MYO10: variants seen among roughly 807,000 people sequenced by gnomAD.
The protein encoded by MYO10 is myosin X.
In MYO10, 133 loss-of-function variants were observed where a neutral mutation model predicts 257.3. That is an observed-to-expected ratio of 0.52 (90% CI 0.45 to 0.60). The LOEUF (loss-of-function observed/expected upper bound fraction) is 0.60, where lower values mean the gene tolerates loss of function less well. Among genes scored for constraint, MYO10 ranks in the 20% least tolerant of loss-of-function variants. MYO10 has a pLI of 0.00. For synonymous variants in MYO10, 1,104 were observed against 1,028.6 expected (o/e 1.07, Z -1.40); for missense variants, 2,399 against 2,635.7 (o/e 0.91, Z 1.97).
chr5:16,907,468 G>A (rs1431515130), intron 1 of MYO10, among the ~76,000 whole-genome samples: 1 of 151,944 alleles, frequency 6.6e-6, no homozygotes, highest in Non-Finnish European at 1.5e-5. Context: ...CTGATCAACA[G>A]GTCACGGGAG....
chr5:16,931,267 A>G (rs984326255), intron 1 of MYO10, among the ~76,000 whole-genome samples: 1 of 152,012 alleles, frequency 6.6e-6, no homozygotes, highest in Non-Finnish European at 1.5e-5. Context: ...GCAAAATTCC[A>G]TCTCAAAACA....
chr5:16,775,993 T>C lies in MYO10; in HGVS notation c.930+3552A>G, dbSNP rs577446538. On this transcript the variant is annotated intron_variant, in intron 9 of 40. Transcript: ENST00000513610. ...TCACTGTAACCTCCATCTCCCAGAC[T>C]CAAGCCATCCTCCCACCTCAGCCTC... 9.9e-5 allele frequency among the ~76,000 whole-genome samples: 15 copies of C among 152,210 alleles called. No individual in the cohort carries two copies. The South Asian group carries it at 2.9e-3, about 30-fold the overall frequency.
At chr5:16,764,104 G>T in intron 12 of MYO10, 146 bp downstream of exon 12, 1 of 890,398 alleles carries the variant, frequency 1.1e-6, no homozygotes, top group Non-Finnish European at 1.7e-6. Flanking sequence ...CTGTGATCAC[G>T]CCACTGCACT....
chr5:16,674,402 G>A (rs1386535803), intron 35 of MYO10, among the ~76,000 whole-genome samples: 1 of 152,106 alleles, frequency 6.6e-6, no homozygotes, highest in Non-Finnish European at 1.5e-5. Context: ...CCAGGAGGCA[G>A]ATGTTGCAAT....
intron 1 of MYO10, among the ~76,000 whole-genome samples, chr5:16,933,328 A>G (rs548197071): frequency 2.0e-5 from 3 of 152,324 alleles, no homozygotes; most frequent in South Asian, 2.1e-4. Context: ...TTACTCAGCA[A>G]TGGTACCAGG....
At chr5:16,903,220 C>A (rs1000896199) in intron 1 of MYO10, among the ~76,000 whole-genome samples, 1 of 152,218 alleles carries the variant, frequency 6.6e-6, no homozygotes, top group Admixed American at 6.5e-5. Flanking sequence ...GCCTGACCAA[C>A]ATGGTGAAAC....
chr5:16,912,846 AC>A (rs1314140151), intron 1 of MYO10, among the ~76,000 whole-genome samples: 1 of 145,764 alleles, frequency 6.9e-6, no homozygotes, highest in Non-Finnish European at 1.5e-5. Flanking sequence ...ACACACACAC[AC>A]ACCATGGTAC....
chr5:16,809,314 C>T (rs994279281), intron 3 of MYO10, among the ~76,000 whole-genome samples: 18 of 152,234 alleles, frequency 1.2e-4, no homozygotes, highest in Admixed American at 5.2e-4. Flanking sequence ...CTTCAGGCCA[C>T]GCTGCCTCCG....
chr5:16,876,078 A>G (rs1479035831), intron 2 of MYO10, among the ~76,000 whole-genome samples: 2 of 152,176 alleles, frequency 1.3e-5, no homozygotes, highest in South Asian at 4.2e-4. Flanking sequence ...GTACCACTGC[A>G]CTCCAGGCTG....
intron 2 of MYO10, among the ~76,000 whole-genome samples, chr5:16,825,570 G>A (rs910169640): frequency 7.2e-5 from 11 of 151,984 alleles, no homozygotes; most frequent in Admixed American, 2.6e-4. Context: ...TTGACTTCAC[G>A]TTTCACTACT....
chr5:16,666,699 G>C lies in MYO10; in HGVS notation c.6170C>G (p.Ser2057Cys), dbSNP rs576931294. The C allele has an allele frequency of 5.6e-6, 9 of 1,601,674 alleles. No individual in the cohort carries two copies. Among genetic ancestry groups the C allele is most frequent in the Admixed American group, 3.4e-5 (2 of 58,964 alleles). Residue 2057 changes from serine to cysteine, a missense_variant, in exon 41 of 41, where the codon TCC becomes TGC. Ser to Cys is a moderately radical substitution (Grantham distance 112). Around this residue, in one of 3 missense-constraint regions of MYO10, gnomAD observed 1,820 missense variants for 1,939.4 expected, o/e 0.94. Transcript: ENST00000513610. ...GTGGGCTCTGTCCCGCCTTCACCTG[G>C]AGCTGCCCTGGCTGCTGGCGGAGCG... is the stretch of plus-strand genomic sequence containing the variant. ...TTRSASSQGS[S>C]R
chr5:16,832,042 A>C (rs1428009189), intron 2 of MYO10, among the ~76,000 whole-genome samples: 2 of 152,142 alleles, frequency 1.3e-5, no homozygotes, highest in Non-Finnish European at 2.9e-5. Context: ...TCTTGGGTTC[A>C]AGTGATGCTC....
intron 2 of MYO10, among the ~76,000 whole-genome samples, chr5:16,869,252 G>A (rs537246958): frequency 8.7e-5 from 13 of 149,524 alleles, no homozygotes; most frequent in Non-Finnish European, 8.9e-5. Context: ...TGTTAGCCAG[G>A]ATGGTCTCGA....
intron 29 of MYO10, 90 bp from the exon 30 acceptor site, chr5:16,684,025 A>G (rs1435063357): frequency 1.7e-6 from 2 of 1,163,932 alleles, no homozygotes; most frequent in Non-Finnish European, 2.5e-6. Flanking sequence ...ACTCCCAATC[A>G]GACAGAAAAG....
intron 1 of MYO10, among the ~76,000 whole-genome samples, chr5:16,926,875 C>T (rs1746147620): frequency 6.6e-6 from 1 of 152,024 alleles, no homozygotes; most frequent in South Asian, 2.1e-4. Context: ...ATGGAGTATA[C>T]GTATTTATTA....
chr5:16,725,089 T>C lies in MYO10; in HGVS notation c.1930-13844A>G, dbSNP rs995066288. ...CTCACCTTCTTCTTCTTTTTTTTTT[T>C]TTTTTTTTTTTTTTTGAGACAGAGT... is the stretch of plus-strand genomic sequence containing the variant. On this transcript the variant is annotated intron_variant, in intron 19 of 40. Coordinates refer to ENST00000513610, the MANE Select transcript of MYO10 (RefSeq NM_012334.3). Among the ~76,000 whole-genome samples the C allele has an allele frequency of 8.9e-4, 120 of 135,288 alleles. 2 individuals are homozygous for C. Among genetic ancestry groups the C allele is most frequent in the African/African-American group, 3.2e-3 (114 of 35,440 alleles). The allele number at this position is 135,288 out of a possible 152,430, so 88.8% of individuals were successfully genotyped here. A position where few individuals can be genotyped will look rare whatever the true frequency, so the allele number is the denominator to read the frequency against.
At chr5:16,906,089 C>T (rs2126788425) in intron 1 of MYO10, among the ~76,000 whole-genome samples, 1 of 152,328 alleles carries the variant, frequency 6.6e-6, no homozygotes, top group East Asian at 1.9e-4. Context: ...GTCACACATA[C>T]CCCATATCCC....
intron 2 of MYO10, among the ~76,000 whole-genome samples, chr5:16,866,014 AACACACACACACAC>A (rs34718010): frequency 4.5e-4 from 61 of 136,562 alleles, no homozygotes; most frequent in East Asian, 6.4e-4. Context: ...TATTTACCCA[AACACACACACACAC>A]ACACACACAC....
intron 19 of MYO10, among the ~76,000 whole-genome samples, chr5:16,733,700 T>C (rs1739676328): frequency 6.6e-6 from 1 of 152,158 alleles, no homozygotes; most frequent in Admixed American, 6.5e-5. Context: ...ATCTGTTAAG[T>C]ATAAATTAGA....
Sources: gnomAD v4.1 joint callset for allele counts (sites outside exome capture counted in the v4.1 genomes callset) on GRCh38, gnomAD v4.1.1 for gene constraint, gnomAD v4.1.1 regional missense constraint, MANE v1.5 for transcripts, NCBI Gene and HGNC (gene_info 2026-07-23, HGNC 2026-07-21) for gene names.